The following AFTPH variants were observed in gnomAD, a reference collection of about 807,000 sequenced individuals.
The protein encoded by AFTPH is aftiphilin.
In AFTPH, 7 loss-of-function variants were observed where a neutral mutation model predicts 72.5. The ratio of observed to expected loss-of-function variants is 0.10; its 90% CI spans 0.05 to 0.18. The LOEUF (loss-of-function observed/expected upper bound fraction) is 0.18. AFTPH is among the 10% of genes least tolerant of loss of function. AFTPH has a pLI of 1.00. For missense variants in AFTPH, 979 were observed against 1,060.5 expected, an observed-to-expected ratio of 0.92 and a Z score of 1.07; for synonymous variants, 337 against 370.1, an observed-to-expected ratio of 0.91 and a Z score of 1.03.
At chr2:64,565,125 C>T (rs1437632715) in intron 2 of AFTPH, among the ~76,000 whole-genome samples, 1 of 152,056 alleles carries the variant, frequency 6.6e-6, no homozygotes, top group African/African-American at 2.4e-5. Flanking sequence ...AGGCGTGAGA[C>T]ACTGCACCTG....
At chr2:64,565,627 A>G (rs1444500399) in intron 2 of AFTPH, among the ~76,000 whole-genome samples, 1 of 152,178 alleles carries the variant, frequency 6.6e-6, no homozygotes, top group Non-Finnish European at 1.5e-5. Flanking sequence ...CCACAGGACA[A>G]ATCTACTGCC....
intron 7 of AFTPH, among the ~76,000 whole-genome samples, chr2:64,583,841 A>G (rs893179734): frequency 1.3e-5 from 2 of 152,160 alleles, no homozygotes; most frequent in Non-Finnish European, 2.9e-5. Context: ...TAACTGTGGA[A>G]GTCGCTTTTG....
At chr2:64,540,718 T>C (rs1306952515) in intron 1 of AFTPH, among the ~76,000 whole-genome samples, 1 of 152,170 alleles carries the variant, frequency 6.6e-6, no homozygotes, top group Middle Eastern at 3.2e-3. Context: ...TTTTTTGTTG[T>C]CACTATTGAC....
intron 1 of AFTPH, among the ~76,000 whole-genome samples, chr2:64,534,139 A>G (rs910202423): frequency 2.0e-5 from 3 of 152,110 alleles, no homozygotes; most frequent in African/African-American, 2.4e-5. Context: ...GCTGTGGTTT[A>G]TCATCTCTCA....
At chr2:64,580,879 T>C (rs1488915493) in intron 7 of AFTPH, 1 of 179,370 alleles carries the variant, frequency 5.6e-6, no homozygotes, top group Non-Finnish European at 1.2e-5. Context: ...CGCATTCCTT[T>C]CGGTCTTTCT....
chr2:64,588,523 C>T (rs1673639420), intron 8 of AFTPH, among the ~76,000 whole-genome samples: 1 of 152,140 alleles, frequency 6.6e-6, no homozygotes, highest in Non-Finnish European at 1.5e-5. Context: ...GTGATGGCAC[C>T]ATTTTACATT....
In AFTPH at chr2:64,577,332, G is replaced by GTATCCTGTTTTTCACCT. The variant is rs548785653; in HGVS notation, c.2395-2152_2395-2136dup. ...TTAGTTTTAGTCTTTTTTTGCTTCG[G>GTATCCTGTTTTTCACCT]TATCCTGTTTTTCACCTTTTTCATT... is the stretch of plus-strand genomic sequence containing the variant. On this transcript the variant is annotated intron_variant, in intron 6 of 8. Transcript: ENST00000238856. Among the ~76,000 whole-genome samples, 703 of 151,936 alleles carry GTATCCTGTTTTTCACCT rather than the reference G, an allele frequency of 4.6e-3. 6 individuals carry two copies. Among genetic ancestry groups the GTATCCTGTTTTTCACCT allele is most frequent in the African/African-American group, 0.016 (679 of 41,420 alleles).
intron 7 of AFTPH, chr2:64,580,752 C>T (rs1256783110): frequency 6.5e-6 from 1 of 152,882 alleles, no homozygotes; most frequent in African/African-American, 2.4e-5. Flanking sequence ...AACTTTGTCA[C>T]TTTTTAAAAA....
At chr2:64,535,030 C>G (rs1017742404) in intron 1 of AFTPH, among the ~76,000 whole-genome samples, 2 of 152,026 alleles carry the variant, frequency 1.3e-5, no homozygotes, top group Admixed American at 6.5e-5. Flanking sequence ...TTTTTGAAAT[C>G]TTAAGAATGT....
intron 2 of AFTPH, among the ~76,000 whole-genome samples, chr2:64,561,191 A>C (rs1317906385): frequency 6.6e-6 from 1 of 152,204 alleles, no homozygotes; most frequent in East Asian, 1.9e-4. Context: ...TCAGAGCCCC[A>C]GTTTTTAAAA....
At chr2:64,543,340 C>T (rs1670373056) in intron 1 of AFTPH, among the ~76,000 whole-genome samples, 4 of 152,138 alleles carry the variant, frequency 2.6e-5, no homozygotes, top group Non-Finnish European at 5.9e-5. Flanking sequence ...TGGTTTTTCA[C>T]TCTATGGTAT....
At chr2:64,552,121 G>A (rs1402322480) in exon 2 of AFTPH, 4 of 1,614,066 alleles carry the variant, frequency 2.5e-6, no homozygotes, top group African/African-American at 1.3e-5. Context: ...AGCACTCATA[G>A]CACTGAGTAT....
chr2:64,569,952 ATTCTTT>A (rs1672317267), intron 5 of AFTPH, among the ~76,000 whole-genome samples: 1 of 152,180 alleles, frequency 6.6e-6, no homozygotes, highest in Admixed American at 6.5e-5. Flanking sequence ...CCTTTGGAGG[ATTCTTT>A]TTCTTTTCTA....
chr2:64,537,098 C>T (rs543136988), intron 1 of AFTPH, among the ~76,000 whole-genome samples: 1 of 149,760 alleles, frequency 6.7e-6, no homozygotes, highest in African/African-American at 2.5e-5. Context: ...TTACACACTT[C>T]CTTATTAATA....
chr2:64,582,667 C>A (rs1185541171), intron 7 of AFTPH, among the ~76,000 whole-genome samples: 4 of 152,132 alleles, frequency 2.6e-5, no homozygotes, highest in Non-Finnish European at 5.9e-5. Flanking sequence ...CTTTTTGTTA[C>A]TGTATTCCCA....
intron 6 of AFTPH, among the ~76,000 whole-genome samples, chr2:64,573,670 T>C (rs1310336083): frequency 6.6e-6 from 1 of 152,192 alleles, no homozygotes; most frequent in Non-Finnish European, 1.5e-5. Flanking sequence ...AAACTCTTTT[T>C]TTTTGGAGAT....
chr2:64,551,937 T>A, exon 2 of AFTPH: 1 of 1,613,516 alleles, frequency 6.2e-7, no homozygotes, highest in Non-Finnish European at 8.5e-7. Context: ...TCCAGGAGAT[T>A]TTAGAACTAA....
intron 1 of AFTPH, among the ~76,000 whole-genome samples, chr2:64,546,034 A>G (rs1670592620): frequency 6.6e-6 from 1 of 151,994 alleles, no homozygotes; most frequent in African/African-American, 2.4e-5. Flanking sequence ...CTGGGATTAC[A>G]GGCACCCGCC....
chr2:64,538,340 T>G (rs7581658), intron 1 of AFTPH, among the ~76,000 whole-genome samples: 79,539 of 151,894 alleles, frequency 0.52, 23,801 homozygotes, highest in African/African-American at 0.84. Context: ...AGCAAAACCA[T>G]CATTAAAAAA....
Sources: allele counts gnomAD v4.1 joint callset (sites outside exome capture counted in the v4.1 genomes callset), GRCh38; gene constraint gnomAD v4.1.1; transcripts MANE v1.5; gene names NCBI Gene and HGNC (gene_info 2026-07-23, HGNC 2026-07-21).